The following DPYS variants were observed in gnomAD, a reference collection of about 807,000 sequenced individuals.
DPYS encodes dihydropyrimidinase, also known as dihydropyrimidine amidohydrolase.
A neutral mutation model predicts 50.3 loss-of-function variants in DPYS; 39 were observed. That is an observed-to-expected ratio of 0.78 (90% CI 0.60 to 1.01). The LOEUF is 1.01. DPYS is among the 50% of genes least tolerant of loss of function. The pLI is 0.00. For missense variants in DPYS, 659 were observed against 680.9 expected (o/e 0.97, Z 0.36); for synonymous variants, 245 against 250.7 (o/e 0.98, Z 0.22).
At position 104,384,499 on chromosome 8, in the gene DPYS, TG is replaced by T. The variant is rs142651518; in HGVS notation, c.1444-3186del. Among the ~76,000 whole-genome samples the T allele has an allele frequency of 5.2e-3, 787 of 152,360 alleles. 3 individuals carry two copies. The highest frequency in any genetic ancestry group is 0.018 in the African/African-American group (754 of 41,584). On this transcript the variant is annotated intron_variant, in intron 8 of 9. Transcript: ENST00000351513. Reference sequence around the variant, plus strand: ...TTATTCAGAAGTTCAGCTGCACATTTGTTTTCTAAGTAGACTTAACCTCCAA... The same window carrying T: ...TTATTCAGAAGTTCAGCTGCACATTTTTTTCTAAGTAGACTTAACCTCCAA...
chr8:104,412,537 G>A (rs1199725165), intron 7 of DPYS, among the ~76,000 whole-genome samples: 5 of 152,080 alleles, frequency 3.3e-5, no homozygotes, highest in Non-Finnish European at 5.9e-5. Context: ...GTGAATATTC[G>A]GCTGTGTCGC....
chr8:104,459,614 G>A (rs890904703), intron 1 of DPYS, among the ~76,000 whole-genome samples: 1 of 152,148 alleles, frequency 6.6e-6, no homozygotes, highest in African/African-American at 2.4e-5. Context: ...ATTATTTTGA[G>A]CTCCAGATAT....
chr8:104,424,644 T>C (rs1012246768), intron 6 of DPYS, among the ~76,000 whole-genome samples: 10 of 152,168 alleles, frequency 6.6e-5, no homozygotes, highest in African/African-American at 2.4e-4. Flanking sequence ...TTCCCATTCA[T>C]CCTAGAATCA....
At chr8:104,433,690 C>A (rs1813029540) in intron 4 of DPYS, among the ~76,000 whole-genome samples, 1 of 152,136 alleles carries the variant, frequency 6.6e-6, no homozygotes, top group African/African-American at 2.4e-5. Flanking sequence ...CTCAGTTGCA[C>A]ATCGATTCTT....
chr8:104,458,692 C>T (rs1814015818), intron 1 of DPYS, among the ~76,000 whole-genome samples: 1 of 152,160 alleles, frequency 6.6e-6, no homozygotes, highest in Admixed American at 6.5e-5. Flanking sequence ...TTTCCAATAG[C>T]AAACTGGGAA....
At position 104,447,492 on chromosome 8, in the gene DPYS, T is replaced by A; in HGVS notation, c.435A>T (p.Glu145Asp). 2 of 1,614,162 alleles carry A rather than the reference T, an allele frequency of 1.2e-6. No homozygotes were observed. The highest frequency in any genetic ancestry group is 1.7e-6 in the Non-Finnish European group (2 of 1,180,040). The change falls in exon 3 of 10, where the codon GAA becomes GAT. Residue 145 changes from glutamate (E) to aspartate (D), a missense_variant. By Grantham distance (45) the Glu-to-Asp change is conservative (BLOSUM62 2). Transcript: ENST00000351513. Reference protein sequence around the residue: ...VTWWSDQVKEEMKILVQDKGV... With the variant: ...VTWWSDQVKEDMKILVQDKGV... ...CTTTATCTTGCACAAGGATTTTCAT[T>A]TCTTCTTTAACCTAAAAGGAAGCAG...
chr8:104,448,984 T>G (rs1458929573), intron 2 of DPYS, among the ~76,000 whole-genome samples: 1 of 152,198 alleles, frequency 6.6e-6, no homozygotes, highest in African/African-American at 2.4e-5. Context: ...GCTTGTCCAC[T>G]GCTGTATCCT....
At chr8:104,412,706 T>C (rs1812226950) in intron 7 of DPYS, among the ~76,000 whole-genome samples, 2 of 152,114 alleles carry the variant, frequency 1.3e-5, no homozygotes, top group Non-Finnish European at 2.9e-5. Flanking sequence ...ACTGTCTGAT[T>C]GGTGGGCTTA....
chr8:104,399,844 G>A (rs1249759569), intron 7 of DPYS, among the ~76,000 whole-genome samples: 1 of 130,296 alleles, frequency 7.7e-6, no homozygotes, highest in African/African-American at 2.9e-5. Context: ...ACTCCAGCCT[G>A]GGAGACAGCA....
At chr8:104,418,927 A>T in intron 7 of DPYS, 1 of 819,274 alleles carries the variant, frequency 1.2e-6, no homozygotes, top group Non-Finnish European at 1.5e-6. Context: ...CTTGACCCTC[A>T]GCCTGCGGCT....
chr8:104,382,221 C>G (rs913025753), intron 8 of DPYS, among the ~76,000 whole-genome samples: 2 of 152,192 alleles, frequency 1.3e-5, no homozygotes, highest in African/African-American at 2.4e-5. Flanking sequence ...AGGCCCACAG[C>G]TCCTGCAGCC....
At chr8:104,390,062 C>T (rs777134740) in intron 8 of DPYS, among the ~76,000 whole-genome samples, 4 of 152,222 alleles carry the variant, frequency 2.6e-5, no homozygotes, top group Non-Finnish European at 5.9e-5. Flanking sequence ...TAAATATGGT[C>T]TATCAGGGTT....
chr8:104,433,532 G>A lies in DPYS; in HGVS notation c.794-3831C>T, dbSNP rs934132574. ...ACCTGTAGTCCCAGCTACTTGGGAG[G>A]CTGAGGCATGAGAATCACTTGAACC... is the stretch of plus-strand genomic sequence containing the variant. On this transcript the variant is annotated intron_variant, in intron 4 of 9. Coordinates refer to ENST00000351513, the MANE Select transcript of DPYS (RefSeq NM_001385.3). 2.0e-5 allele frequency among the ~76,000 whole-genome samples: 3 copies of A among 152,194 alleles called. 1 individual carries two copies. The South Asian group carries it at 6.2e-4, about 32-fold the overall frequency.
chr8:104,420,123 CTGGATTCAG>C (rs1812494801), intron 7 of DPYS: 1 of 152,148 alleles, frequency 6.6e-6, no homozygotes. Flanking sequence ...AGTGGGTTTT[CTGGATTCAG>C]TAGAACTCGG....
chr8:104,451,003 A>C (rs1306741566), intron 2 of DPYS, among the ~76,000 whole-genome samples: 1 of 152,264 alleles, frequency 6.6e-6, no homozygotes, highest in Non-Finnish European at 1.5e-5. Context: ...AGAAGCTGTT[A>C]TGAATGAGCA....
intron 7 of DPYS, among the ~76,000 whole-genome samples, chr8:104,417,354 T>C (rs1372786876): frequency 1.3e-5 from 2 of 152,248 alleles, no homozygotes; most frequent in Non-Finnish European, 2.9e-5. Context: ...GAACATGACT[T>C]ACTGCTGCAG....
At chr8:104,433,632 T>C (rs1225792241) in intron 4 of DPYS, among the ~76,000 whole-genome samples, 1 of 151,806 alleles carries the variant, frequency 6.6e-6, no homozygotes. Flanking sequence ...CGACTCTTTT[T>C]CCAAAAAAAA....
rs751818026 is a variant in DPYS at position 104,392,803 on chromosome 8, C to T, written c.1424G>A (p.Arg475Gln). The T allele has an allele frequency of 6.2e-6, 10 of 1,613,984 alleles. No individual in the cohort carries two copies. The highest frequency in any genetic ancestry group is 2.7e-5 in the African/African-American group (2 of 74,920). The change falls in exon 8 of 10, where the codon CGA becomes CAA. Residue 475 changes from arginine (R) to glutamine (Q), a missense_variant. By Grantham distance (43) the Arg-to-Gln change is conservative (BLOSUM62 1). Transcript: ENST00000351513. ...ACTCACCCGGTCTCGCTGCTTTATTCGTTTGTAAATATATTCAGCAAATGG... is the reference window on the plus strand; with the variant it reads ...ACTCACCCGGTCTCGCTGCTTTATTTGTTTGTAAATATATTCAGCAAATGG... Reference protein sequence around the residue: ...RKPFAEYIYKRIKQRDRTCTP... With the variant: ...RKPFAEYIYKQIKQRDRTCTP...
In DPYS at chr8:104,425,200, A is replaced by C. The variant is rs544717641; in HGVS notation, c.1093-811T>G. 2.6e-5 allele frequency among the ~76,000 whole-genome samples: 4 copies of C among 151,910 alleles called. No individual in the cohort carries two copies. In the East Asian group the frequency reaches 5.9e-4, roughly 22 times the overall value. On this transcript the variant is annotated intron_variant, in intron 6 of 9. Coordinates refer to ENST00000351513, the MANE Select transcript of DPYS (RefSeq NM_001385.3). ...AGAATATTATAGAGGATAGGTGACA[A>C]CACTTTTGAATCAGGTGACAATGCT...
Sources: gnomAD v4.1 joint callset for allele counts (sites outside exome capture counted in the v4.1 genomes callset) on GRCh38, gnomAD v4.1.1 for gene constraint, MANE v1.5 for transcripts, NCBI Gene and HGNC (gene_info 2026-07-23, HGNC 2026-07-21) for gene names.